Variants in WDFY4 observed in about 807,000 individuals in gnomAD.
WDFY4 encodes the protein WDFY family member 4, also known as WD repeat- and FYVE domain-containing protein 4.
In WDFY4, 169 loss-of-function variants were observed where a neutral mutation model predicts 351.9. The ratio of observed to expected loss-of-function variants is 0.48; its 90% CI spans 0.42 to 0.55. The LOEUF is 0.55. Among genes scored for constraint, WDFY4 ranks in the 20% least tolerant of loss-of-function variants. The pLI is 0.00. For synonymous variants in WDFY4, 1,622 were observed against 1,574.6 expected (o/e 1.03, Z -0.71); for missense variants, 3,803 against 3,935.6 (o/e 0.97, Z 0.90).
At chr10:48,915,409 G>T (rs1269884419) in intron 47 of WDFY4, among the ~76,000 whole-genome samples, 1 of 117,776 alleles carries the variant, frequency 8.5e-6, no homozygotes, top group African/African-American at 2.9e-5. Context: ...TGTGCCTCCT[G>T]CTTGCTGATT....
At chr10:48,781,894 A>G (rs1292246030) in intron 19 of WDFY4, among the ~76,000 whole-genome samples, 1 of 152,244 alleles carries the variant, frequency 6.6e-6, no homozygotes, top group South Asian at 2.1e-4. Context: ...AGGAACATAC[A>G]TATAGTATAA....
At chr10:48,938,875 G>A (rs1461039500) in intron 47 of WDFY4, among the ~76,000 whole-genome samples, 1 of 152,200 alleles carries the variant, frequency 6.6e-6, no homozygotes, top group East Asian at 1.9e-4. Context: ...TGTCCTGGGT[G>A]GGAAGGGAGT....
At chr10:48,715,050 A>G (rs2063864013) in intron 2 of WDFY4, among the ~76,000 whole-genome samples, 1 of 152,226 alleles carries the variant, frequency 6.6e-6, no homozygotes, top group Non-Finnish European at 1.5e-5. Context: ...TCTAGCTGCC[A>G]TGTTGTAAGG....
At chr10:48,686,249 GA>G (rs1345891969) in intron 1 of WDFY4, among the ~76,000 whole-genome samples, 1 of 148,074 alleles carries the variant, frequency 6.8e-6, no homozygotes, top group Non-Finnish European at 1.5e-5. Flanking sequence ...GGGAGGCTGA[GA>G]GGGGCAGATC....
chr10:48,731,387 G>A lies in WDFY4; in HGVS notation c.1407G>A (p.Lys469=), dbSNP rs2064454557. 1 of 1,551,756 alleles carries A rather than the reference G, an allele frequency of 6.4e-7. No homozygotes were observed. Among genetic ancestry groups the A allele is most frequent in the South Asian group, 1.2e-5 (1 of 84,066 alleles). Residue 469 remains lysine (K), a synonymous_variant, in exon 9 of 62, where the codon AAG becomes AAA. Coordinates refer to ENST00000325239, the MANE Select transcript of WDFY4 (RefSeq NM_001394531.1). ...ACGTGCCTCATGAGATCCTGCGAAA[G>A]GTACAGCATCTGATCAAGGAGAGCC... ...LHYVPHEILR[K]VQHLIKESPG...
At chr10:48,725,791 C>T in intron 5 of WDFY4, 90 bp from the exon 6 acceptor site, 7 of 1,274,322 alleles carry the variant, frequency 5.5e-6, no homozygotes, top group Non-Finnish European at 7.5e-6. Context: ...ACATGCTCAT[C>T]AGTGCTCCAG....
At chr10:48,958,060 G>T (rs1030144204) in intron 52 of WDFY4, among the ~76,000 whole-genome samples, 7 of 152,202 alleles carry the variant, frequency 4.6e-5, no homozygotes, top group Non-Finnish European at 1.0e-4. Flanking sequence ...CCCCTCGTCA[G>T]TGTTCTCCTT....
At chr10:48,838,274 C>T (rs900694521) in intron 39 of WDFY4, among the ~76,000 whole-genome samples, 9 of 152,156 alleles carry the variant, frequency 5.9e-5, no homozygotes, top group African/African-American at 1.2e-4. Context: ...CCCTATGAGA[C>T]CTCCAATGAA....
chr10:48,965,609 C>T (rs544829497), intron 54 of WDFY4, among the ~76,000 whole-genome samples: 1 of 152,302 alleles, frequency 6.6e-6, no homozygotes, highest in South Asian at 2.1e-4. Context: ...CCCAACTCTG[C>T]CCATGTCCAC....
At chr10:48,838,528 T>C (rs954087715) in intron 39 of WDFY4, among the ~76,000 whole-genome samples, 1 of 152,152 alleles carries the variant, frequency 6.6e-6, no homozygotes, top group African/African-American at 2.4e-5. Context: ...ATGATGTTTT[T>C]GACTATCCCC....
chr10:48,896,858 T>C (rs1837101636), intron 44 of WDFY4, among the ~76,000 whole-genome samples: 1 of 152,112 alleles, frequency 6.6e-6, no homozygotes, highest in South Asian at 2.1e-4. Flanking sequence ...CCCTCAGCCC[T>C]GCCAGGGAAA....
intron 47 of WDFY4, among the ~76,000 whole-genome samples, chr10:48,941,472 G>C (rs758938557): frequency 9.2e-5 from 14 of 152,156 alleles, no homozygotes; most frequent in African/African-American, 2.9e-4. Flanking sequence ...AAAGAAGGCC[G>C]AGATGTGGCA....
chr10:48,793,423 C>T (rs911797596), intron 23 of WDFY4, among the ~76,000 whole-genome samples: 68 of 152,208 alleles, frequency 4.5e-4, no homozygotes, highest in Middle Eastern at 3.2e-3. Context: ...GAAGGAGAAG[C>T]TGCGTGGCAA....
intron 47 of WDFY4, among the ~76,000 whole-genome samples, chr10:48,927,911 A>G (rs1839709622): frequency 6.6e-6 from 1 of 152,240 alleles, no homozygotes; most frequent in African/African-American, 2.4e-5. Flanking sequence ...TATTAAGATG[A>G]TTAGTTTAAC....
intron 24 of WDFY4, among the ~76,000 whole-genome samples, chr10:48,801,762 G>C (rs191027631): frequency 1.3e-5 from 2 of 152,318 alleles, no homozygotes; most frequent in East Asian, 3.9e-4. Context: ...ATGATGCTAG[G>C]TTCCAGGGAT....
chr10:48,929,094 C>A (rs1312139890), intron 47 of WDFY4, among the ~76,000 whole-genome samples: 2 of 152,024 alleles, frequency 1.3e-5, no homozygotes, highest in Non-Finnish European at 2.9e-5. Context: ...GCCAGGAGGG[C>A]CATCTTTGAG....
rs372334130 is a variant in WDFY4, at chr10:48,839,741, T to C, written c.6663+7032T>C. Among the ~76,000 whole-genome samples the C allele has an allele frequency of 1.7e-3, 262 of 152,322 alleles. 1 individual carries two copies. The highest frequency in any genetic ancestry group is 5.9e-3 in the African/African-American group (247 of 41,570). On this transcript the variant is annotated intron_variant, in intron 39 of 61. Coordinates refer to ENST00000325239, the MANE Select transcript of WDFY4 (RefSeq NM_001394531.1). ...TGTTGGAAAACGCAGTTGTATTCAGTGGGAGGAAAAGTCTTTTGAGTACGT... is the reference window on the plus strand; with the variant it reads ...TGTTGGAAAACGCAGTTGTATTCAGCGGGAGGAAAAGTCTTTTGAGTACGT...
intron 47 of WDFY4, chr10:48,913,754 G>T (rs748369916): frequency 6.2e-7 from 1 of 1,614,014 alleles, no homozygotes; most frequent in African/African-American, 1.3e-5. Flanking sequence ...TGGGCACGCT[G>T]TCCAGGTGGT....
At chr10:48,859,903 T>C (rs1406820982) in intron 39 of WDFY4, among the ~76,000 whole-genome samples, 1 of 152,214 alleles carries the variant, frequency 6.6e-6, no homozygotes, top group Non-Finnish European at 1.5e-5. Flanking sequence ...ATGCCAATGA[T>C]CTATCGTATT....
Sources: allele counts gnomAD v4.1 joint callset (sites outside exome capture counted in the v4.1 genomes callset), GRCh38; gene constraint gnomAD v4.1.1; transcripts MANE v1.5; gene names NCBI Gene and HGNC (gene_info 2026-07-23, HGNC 2026-07-21).